PTCHD4: variants seen among roughly 807,000 people sequenced by gnomAD.
PTCHD4 encodes the protein patched domain containing 4.
In PTCHD4, 33 loss-of-function variants were observed where a neutral mutation model predicts 58.1. The ratio of observed to expected loss-of-function variants is 0.57; its 90% CI spans 0.43 to 0.76. PTCHD4 has a LOEUF of 0.76. Among genes scored for constraint, PTCHD4 ranks in the 30% least tolerant of loss-of-function variants. PTCHD4 has a pLI of 0.00. For missense variants in PTCHD4, 1,058 were observed against 1,027.1 expected (o/e 1.03, Z -0.41); for synonymous variants, 478 against 409.6 (o/e 1.17, Z -2.02).
At chr6:47,973,880 G>A (rs1048479122) in intron 4 of PTCHD4, among the ~76,000 whole-genome samples, 12 of 152,112 alleles carry the variant, frequency 7.9e-5, no homozygotes, top group Admixed American at 7.2e-4. Context: ...ATTACTTTGG[G>A]TTAAGCATAT....
chr6:48,006,626 T>C (rs1321847643), intron 4 of PTCHD4, among the ~76,000 whole-genome samples: 1 of 152,194 alleles, frequency 6.6e-6, no homozygotes, highest in Non-Finnish European at 1.5e-5. Context: ...ATCTTTGTCA[T>C]TGGTGACAAG....
intron 4 of PTCHD4, among the ~76,000 whole-genome samples, chr6:47,899,004 C>A (rs76579375): frequency 0.031 from 4,782 of 152,286 alleles, 124 homozygotes; most frequent in Non-Finnish European, 0.048. Flanking sequence ...TTTCCTCTTA[C>A]ACTCTTCCTT....
intron 3 of PTCHD4, among the ~76,000 whole-genome samples, chr6:48,027,936 T>C (rs1763301884): frequency 6.6e-6 from 1 of 151,972 alleles, no homozygotes; most frequent in Non-Finnish European, 1.5e-5. Context: ...ATGTGGTTTT[T>C]TTGTTCTGGT....
intron 3 of PTCHD4, among the ~76,000 whole-genome samples, chr6:48,064,255 A>G (rs879406614): frequency 6.6e-6 from 1 of 152,164 alleles, no homozygotes; most frequent in Non-Finnish European, 1.5e-5. Context: ...TACTGCAGCT[A>G]AAATAAAGAA....
At chr6:48,057,187 T>G (rs1027676313) in intron 3 of PTCHD4, among the ~76,000 whole-genome samples, 1 of 151,432 alleles carries the variant, frequency 6.6e-6, no homozygotes, top group African/African-American at 2.4e-5. Flanking sequence ...TTTGTTTTTT[T>G]TTGTTTTTTT....
intron 4 of PTCHD4, among the ~76,000 whole-genome samples, chr6:47,937,334 G>A (rs187775157): frequency 9.1e-4 from 138 of 152,306 alleles, no homozygotes; most frequent in Non-Finnish European, 1.2e-4. Flanking sequence ...AGGTAACAAT[G>A]GAGATGGTAA....
intron 4 of PTCHD4, among the ~76,000 whole-genome samples, chr6:47,897,626 T>C (rs1372528748): frequency 6.6e-6 from 1 of 152,206 alleles, no homozygotes; most frequent in Non-Finnish European, 1.5e-5. Flanking sequence ...AGGTGGAGAT[T>C]CCTACATTGG....
chr6:47,857,241 A>T lies in PTCHD4; in HGVS notation c.*21062T>A, dbSNP rs1398534980. ...TGGTGTATTGTGCTGCCTATGGGAA[A>T]TGGTGTTGGATCAGCAGAAAACTGG... is the stretch of plus-strand genomic sequence containing the variant. On this transcript the variant is annotated 3_prime_UTR_variant, in exon 5 of 5. Transcript: ENST00000339488. 6.6e-6 allele frequency among the ~76,000 whole-genome samples: 1 copy of T among 152,022 alleles called. No homozygotes were observed. Among genetic ancestry groups the T allele is most frequent in the Non-Finnish European group, 1.5e-5 (1 of 67,974 alleles).
chr6:48,104,578 T>C (rs915066568), intron 1 of PTCHD4, among the ~76,000 whole-genome samples: 9 of 152,124 alleles, frequency 5.9e-5, no homozygotes, highest in African/African-American at 1.2e-4. Flanking sequence ...ATCATAATGA[T>C]AGGATCAAAT....
At chr6:47,968,363 G>T (rs184843462) in intron 4 of PTCHD4, among the ~76,000 whole-genome samples, 3 of 152,080 alleles carry the variant, frequency 2.0e-5, no homozygotes, top group Non-Finnish European at 4.4e-5. Flanking sequence ...CACCACAACA[G>T]ATATAAAATA....
intron 4 of PTCHD4, among the ~76,000 whole-genome samples, chr6:47,963,979 A>G (rs75729910): frequency 0.031 from 4,779 of 152,342 alleles, 90 homozygotes; most frequent in Non-Finnish European, 0.046. Context: ...CTCATTATCA[A>G]GATGAAACTA....
intron 3 of PTCHD4, among the ~76,000 whole-genome samples, chr6:48,036,610 C>A (rs1582057165): frequency 6.6e-6 from 1 of 152,186 alleles, no homozygotes; most frequent in Non-Finnish European, 1.5e-5. Flanking sequence ...TGTGGTACTG[C>A]AGTACTTGTG....
At chr6:48,016,064 T>C (rs1298046121) in intron 3 of PTCHD4, among the ~76,000 whole-genome samples, 1 of 152,038 alleles carries the variant, frequency 6.6e-6, no homozygotes, top group Non-Finnish European at 1.5e-5. Context: ...AGTCTGCTTA[T>C]TCTAGTATAA....
chr6:47,964,707 T>G (rs1767219879), intron 4 of PTCHD4, among the ~76,000 whole-genome samples: 1 of 152,208 alleles, frequency 6.6e-6, no homozygotes, highest in African/African-American at 2.4e-5. Context: ...TAAAGTAGTT[T>G]CATCTTGGTA....
At chr6:47,982,913 A>G (rs956222480) in intron 4 of PTCHD4, among the ~76,000 whole-genome samples, 40 of 152,196 alleles carry the variant, frequency 2.6e-4, no homozygotes, top group African/African-American at 8.9e-4. Context: ...TCCAAACAAG[A>G]TTATTTTGGA....
chr6:48,040,846 T>G (rs1763819613), intron 3 of PTCHD4, among the ~76,000 whole-genome samples: 2 of 151,944 alleles, frequency 1.3e-5, no homozygotes, highest in Admixed American at 1.3e-4. Context: ...AGAGCAATCT[T>G]CCTATTGACC....
intron 4 of PTCHD4, among the ~76,000 whole-genome samples, chr6:47,995,320 A>T (rs1387665149): frequency 3.3e-5 from 5 of 152,230 alleles, no homozygotes; most frequent in Non-Finnish European, 7.3e-5. Context: ...GCAATGGGAC[A>T]GCATCTGGGA....
chr6:47,970,392 C>G (rs1008541435), intron 4 of PTCHD4, among the ~76,000 whole-genome samples: 1 of 152,080 alleles, frequency 6.6e-6, no homozygotes, highest in African/African-American at 2.4e-5. Flanking sequence ...ACCTGAGTGC[C>G]TGAACAGAAG....
Position 47,878,339 on chromosome 6 carries a change from T to A in PTCHD4, c.2496A>T (p.Glu832Asp). The A allele has an allele frequency of 1.2e-6, 2 of 1,607,122 alleles. No homozygotes were observed. The highest frequency in any genetic ancestry group is 8.5e-7 in the Non-Finnish European group (1 of 1,176,772). The change falls in exon 5 of 5, where the codon GAA becomes GAT. Residue 832 changes from glutamate (E) to aspartate (D), a missense_variant. Physicochemically the swap from Glu to Asp is conservative, Grantham distance 45 (BLOSUM62 2). Coordinates refer to ENST00000339488, the MANE Select transcript of PTCHD4 (RefSeq NM_001384253.1). ...TGACGTGATCCGGGTTCTCTTGAAT[T>A]TCTATGCATTCAATTTCCTCTCTCT... Reference protein sequence around the residue: ...RKEREEIECIEIQENPDHVTT... With the variant: ...RKEREEIECIDIQENPDHVTT...
Sources: gnomAD v4.1 joint callset for allele counts (sites outside exome capture counted in the v4.1 genomes callset) on GRCh38, gnomAD v4.1.1 for gene constraint, MANE v1.5 for transcripts, NCBI Gene and HGNC (gene_info 2026-07-23, HGNC 2026-07-21) for gene names.